The following FREM1 variants were observed in gnomAD, a reference collection of about 807,000 sequenced individuals.
FREM1 encodes FRAS1 related extracellular matrix 1, also known as FRAS1-related extracellular matrix protein 1.
Under a neutral mutation model 210.1 loss-of-function variants are expected in FREM1, and 220 were observed. That is an observed-to-expected ratio of 1.05 (90% CI 0.94 to 1.17). FREM1 has a LOEUF of 1.17. Ranked by LOEUF, FREM1 falls within the 50% of genes most tolerant of loss-of-function variation. The pLI is 0.00. For missense variants in FREM1, 3,454 were observed against 2,675.5 expected, an observed-to-expected ratio of 1.29 and a Z score of -6.42; for synonymous variants, 1,189 against 980.2, an observed-to-expected ratio of 1.21 and a Z score of -3.98.
intron 3 of FREM1, among the ~76,000 whole-genome samples, chr9:14,860,686 CAT>C (rs1435577167): frequency 8.9e-6 from 1 of 112,920 alleles, no homozygotes; most frequent in African/African-American, 3.9e-5. Flanking sequence ...CATATATACA[CAT>C]ATATACACAC....
intron 20 of FREM1, among the ~76,000 whole-genome samples, chr9:14,798,704 C>G (rs1194332322): frequency 1.3e-5 from 2 of 152,006 alleles, no homozygotes; most frequent in Non-Finnish European, 2.9e-5. Flanking sequence ...GACAGAGTCT[C>G]ACTCTGTCAC....
At chr9:14,882,864 G>A (rs1050583896) in intron 1 of FREM1, among the ~76,000 whole-genome samples, 1 of 123,178 alleles carries the variant, frequency 8.1e-6, no homozygotes, top group South Asian at 2.8e-4. Flanking sequence ...AATGAGCTGA[G>A]ATCATGCCAC....
rs1010721157 is a variant in FREM1 at position 14,755,248 on chromosome 9, G to T, written c.5407+1126C>A. Among the ~76,000 whole-genome samples, 8 of 152,182 alleles carry T rather than the reference G, an allele frequency of 5.3e-5. No homozygotes were observed. In the East Asian group the frequency reaches 1.3e-3, roughly 26 times the overall value. ...ACAGTCCTCAAGCATCATGCTACTT[G>T]CAGTGAACTGCAGAGAGCCATTTCT... On this transcript the variant is annotated intron_variant, in intron 29 of 36. Coordinates refer to ENST00000380880, the MANE Select transcript of FREM1 (RefSeq NM_001379081.2).
At chr9:14,886,922 A>G (rs1437529920) in intron 1 of FREM1, among the ~76,000 whole-genome samples, 4 of 150,248 alleles carry the variant, frequency 2.7e-5, no homozygotes, top group African/African-American at 9.8e-5. Context: ...AAAAAAAAGA[A>G]GCTATCAATT....
intron 1 of FREM1, among the ~76,000 whole-genome samples, chr9:14,902,176 A>G (rs991924418): frequency 6.6e-6 from 1 of 152,160 alleles, no homozygotes; most frequent in Non-Finnish European, 1.5e-5. Flanking sequence ...TTCAACTTCC[A>G]TCACTCCTGG....
intron 24 of FREM1, 108 bp from the exon 25 acceptor site, chr9:14,776,311 G>C: frequency 4.0e-6 from 5 of 1,261,512 alleles, no homozygotes; most frequent in South Asian, 2.4e-5. Flanking sequence ...GTCGTGTTGT[G>C]ACTCAAATGA....
chr9:14,833,078 C>A (rs1309552620), intron 10 of FREM1, among the ~76,000 whole-genome samples: 1 of 152,074 alleles, frequency 6.6e-6, no homozygotes, highest in Non-Finnish European at 1.5e-5. Context: ...GCCATTTTAC[C>A]GTGGTGGCTG....
rs866294694 is a variant in FREM1, at chr9:14,876,388, G to A, written c.-267-7144C>T. On this transcript the variant is annotated intron_variant, in intron 1 of 36. Transcript: ENST00000380880. The stretch of plus-strand genomic sequence containing the variant: ...TAAGCAAGCCTGGGCAATGGCGGGC[G>A]CCCCTCCCCCAGCCTCGCTGCCGCC... 6.8e-3 allele frequency among the ~76,000 whole-genome samples: 1,033 copies of A among 151,526 alleles called. 9 individuals are homozygous for A. The highest frequency in any genetic ancestry group is 0.024 in the African/African-American group (992 of 41,286).
chr9:14,845,988 G>A lies in FREM1; in HGVS notation c.1365C>T (p.Gly455=), dbSNP rs368544274. 3.1e-6 allele frequency: 5 copies of A among 1,613,424 alleles called. No homozygotes were observed. The African/African-American group carries it at 4.0e-5, about 13-fold the overall frequency. Residue 455 remains glycine, a synonymous_variant, in exon 8 of 37, where the codon GGC becomes GGT. Transcript: ENST00000380880. Reference sequence around the variant, plus strand: ...TTAAAGTCAGCCATCCATGCTGCAGGCCACCAACGGTGACTAGCCGGACAG... The same window carrying A: ...TTAAAGTCAGCCATCCATGCTGCAGACCACCAACGGTGACTAGCCGGACAG... ...IGAVRLVTVG[G]LQHGWLTLRG...
intron 8 of FREM1, among the ~76,000 whole-genome samples, chr9:14,844,277 G>A (rs1284387986): frequency 6.7e-6 from 1 of 150,032 alleles, no homozygotes; most frequent in African/African-American, 2.5e-5. Flanking sequence ...CCAGGCTGGA[G>A]TGCAGTGGCG....
chr9:14,890,421 C>T (rs914827489), intron 1 of FREM1, among the ~76,000 whole-genome samples: 7 of 152,174 alleles, frequency 4.6e-5, no homozygotes, highest in East Asian at 1.9e-4. Flanking sequence ...AAGCACAGAA[C>T]GCTAAAATCA....
chr9:14,842,625 G>A lies in FREM1; in HGVS notation c.1429C>T (p.Gln477Ter). 6.2e-7 allele frequency: 1 copy of A among 1,613,874 alleles called. No homozygotes were observed. The highest frequency in any genetic ancestry group is 8.5e-7 in the Non-Finnish European group (1 of 1,179,814). Residue 477 changes from glutamine (Q) to a stop codon, truncating the protein, a stop_gained, in exon 9 of 37, where the codon CAG becomes TAG. Transcript: ENST00000380880. LOFTEE classifies it high-confidence loss of function. ...KGFLFTVADL[Q>*]AGVVRYHHDD... ...TGATGATAGCGAACAACTCCAGCCT[G>A]GAGGTCAGCCACGGTGAAGAGAAAC... is the stretch of plus-strand genomic sequence containing the variant.
At chr9:14,816,362 T>A (rs1389898441) in intron 15 of FREM1, among the ~76,000 whole-genome samples, 1 of 151,954 alleles carries the variant, frequency 6.6e-6, no homozygotes, top group Non-Finnish European at 1.5e-5. Flanking sequence ...AGGCCGTAGG[T>A]TTCAAGTTCT....
At chr9:14,773,899 A>G (rs1186809373) in intron 25 of FREM1, among the ~76,000 whole-genome samples, 1 of 152,194 alleles carries the variant, frequency 6.6e-6, no homozygotes, top group Non-Finnish European at 1.5e-5. Context: ...AAAGAGACCC[A>G]GAAAAGTATC....
chr9:14,832,186 G>A (rs1395763182), intron 10 of FREM1, among the ~76,000 whole-genome samples: 2 of 152,190 alleles, frequency 1.3e-5, no homozygotes, highest in East Asian at 3.9e-4. Flanking sequence ...AATTAAAAAG[G>A]TAACTTTCAG....
At chr9:14,753,287 G>A (rs566116026) in intron 29 of FREM1, among the ~76,000 whole-genome samples, 1 of 152,278 alleles carries the variant, frequency 6.6e-6, no homozygotes, top group Admixed American at 6.5e-5. Context: ...TCTATTGAAA[G>A]ACATTTTCTC....
At chr9:14,874,611 C>A (rs1158596925) in intron 1 of FREM1, among the ~76,000 whole-genome samples, 1 of 151,756 alleles carries the variant, frequency 6.6e-6, no homozygotes, top group Non-Finnish European at 1.5e-5. Flanking sequence ...TGGTTCTTGA[C>A]TCTTTATCCA....
chr9:14,842,166 T>C (rs1238776694), intron 9 of FREM1, 150 bp downstream of exon 9: 3 of 572,114 alleles, frequency 5.2e-6, no homozygotes, highest in African/African-American at 1.9e-5. Context: ...CATTATGAAA[T>C]GGGAATAAAA....
At chr9:14,787,009 T>G (rs896546491) in intron 23 of FREM1, among the ~76,000 whole-genome samples, 20 of 152,040 alleles carry the variant, frequency 1.3e-4, no homozygotes, top group African/African-American at 4.8e-4. Flanking sequence ...TAGGTTAGAG[T>G]CAACTATAGA....
Sources: gnomAD v4.1 joint callset for allele counts (sites outside exome capture counted in the v4.1 genomes callset) on GRCh38, gnomAD v4.1.1 for gene constraint, MANE v1.5 for transcripts, NCBI Gene and HGNC (gene_info 2026-07-23, HGNC 2026-07-21) for gene names.